The following MLLT3 variants were observed in gnomAD, a reference collection of about 807,000 sequenced individuals.
MLLT3 encodes protein AF-9.
MLLT3 carries 4 observed loss-of-function variants against 53.2 expected under a neutral mutation model. The ratio of observed to expected loss-of-function variants is 0.08; its 90% CI spans 0.04 to 0.17. The LOEUF is 0.17. Among genes scored for constraint, MLLT3 ranks in the 10% least tolerant of loss-of-function variants. The pLI is 1.00. For synonymous variants in MLLT3, 283 were observed against 230.6 expected (o/e 1.23, Z -2.06); for missense variants, 569 against 684.0 (o/e 0.83, Z 1.87).
intron 5 of MLLT3, among the ~76,000 whole-genome samples, chr9:20,375,592 T>C (rs996740735): frequency 3.5e-5 from 4 of 113,234 alleles, no homozygotes; most frequent in African/African-American, 9.6e-5. Context: ...ATTTCAGTAA[T>C]TTTTTTTTTT....
intron 2 of MLLT3, among the ~76,000 whole-genome samples, chr9:20,489,932 G>A (rs10964574): frequency 0.28 from 42,282 of 151,980 alleles, 6,775 homozygotes; most frequent in African/African-American, 0.44. Context: ...AAAAAAATAA[G>A]GAGAGAAATT....
intron 2 of MLLT3, among the ~76,000 whole-genome samples, chr9:20,595,422 T>A (rs1158349267): frequency 6.6e-6 from 1 of 152,000 alleles, no homozygotes; most frequent in African/African-American, 2.4e-5. Flanking sequence ...GTTATATTAC[T>A]TTATAATTTA....
intron 2 of MLLT3, among the ~76,000 whole-genome samples, chr9:20,483,448 G>C (rs1044248555): frequency 2.0e-5 from 3 of 151,280 alleles, no homozygotes; most frequent in Non-Finnish European, 2.9e-5. Flanking sequence ...GCCCAGGCTG[G>C]TCTTGAACTC....
chr9:20,599,442 T>C (rs1563837740), intron 2 of MLLT3, among the ~76,000 whole-genome samples: 1 of 142,610 alleles, frequency 7.0e-6, no homozygotes, highest in African/African-American at 2.6e-5. Flanking sequence ...TCTGAAACAA[T>C]TAGTAACCAG....
intron 2 of MLLT3, among the ~76,000 whole-genome samples, chr9:20,478,785 T>C (rs962856044): frequency 2.6e-5 from 4 of 152,006 alleles, no homozygotes; most frequent in Non-Finnish European, 5.9e-5. Context: ...CATAGTCTAG[T>C]TGGATTTAGA....
intron 4 of MLLT3, among the ~76,000 whole-genome samples, chr9:20,417,281 C>T (rs1186417557): frequency 6.8e-6 from 1 of 147,790 alleles, no homozygotes; most frequent in Non-Finnish European, 1.5e-5. Context: ...AGATACACAG[C>T]CAGACATTAA....
chr9:20,416,833 A>G (rs1354677376), intron 4 of MLLT3, among the ~76,000 whole-genome samples: 1 of 152,090 alleles, frequency 6.6e-6, no homozygotes. Flanking sequence ...TTAAAAAATA[A>G]AAGGAGAGAG....
chr9:20,586,778 G>A (rs1263662998), intron 2 of MLLT3, among the ~76,000 whole-genome samples: 1 of 152,064 alleles, frequency 6.6e-6, no homozygotes, highest in Non-Finnish European at 1.5e-5. Context: ...GTGGGGAAAT[G>A]GTTTCCCATT....
At chr9:20,515,578 C>T (rs1023926341) in intron 2 of MLLT3, among the ~76,000 whole-genome samples, 10 of 152,086 alleles carry the variant, frequency 6.6e-5, no homozygotes, top group African/African-American at 2.4e-4. Flanking sequence ...ATCATTAGTC[C>T]CTTTTTCTCC....
At chr9:20,614,259 T>G (rs987459020) in intron 2 of MLLT3, among the ~76,000 whole-genome samples, 1 of 152,148 alleles carries the variant, frequency 6.6e-6, no homozygotes, top group East Asian at 1.9e-4. Context: ...CCGGGCGTGG[T>G]GGCGCATGCC....
intron 2 of MLLT3, among the ~76,000 whole-genome samples, chr9:20,587,668 G>A (rs1043966572): frequency 4.6e-5 from 7 of 152,142 alleles, no homozygotes; most frequent in Non-Finnish European, 8.8e-5. Context: ...CATGTCCTTT[G>A]CCCACTTGTT....
At chr9:20,481,183 T>C (rs1824653257) in intron 2 of MLLT3, among the ~76,000 whole-genome samples, 1 of 152,198 alleles carries the variant, frequency 6.6e-6, no homozygotes, top group South Asian at 2.1e-4. Flanking sequence ...ATGAATTGTC[T>C]CAGAGCAGTG....
chr9:20,481,313 C>T (rs1316876743), intron 2 of MLLT3, among the ~76,000 whole-genome samples: 2 of 152,124 alleles, frequency 1.3e-5, no homozygotes, highest in Non-Finnish European at 2.9e-5. Flanking sequence ...TTTAATTTCC[C>T]GATCGCTGTC....
Position 20,395,680 on chromosome 9 carries a change from C to T in MLLT3, c.1125+18041G>A, listed in dbSNP as rs149125901. ...TCAGGAAAGAAATTTAGGTTAAACA[C>T]CTTTTAGCTGTCCTTTCAGTAATAA... On this transcript the variant is annotated intron_variant, in intron 5 of 10. Transcript: ENST00000380338. Among the ~76,000 whole-genome samples the T allele has an allele frequency of 1.8e-3, 268 of 152,238 alleles. 1 individual carries two copies. The highest frequency in any genetic ancestry group is 6.3e-3 in the African/African-American group (263 of 41,548).
chr9:20,416,112 T>C (rs1346470351), intron 4 of MLLT3, among the ~76,000 whole-genome samples: 4 of 152,106 alleles, frequency 2.6e-5, no homozygotes, highest in African/African-American at 9.6e-5. Flanking sequence ...ATAAATTCTA[T>C]TACATTTCCT....
At chr9:20,604,387 A>G (rs544755924) in intron 2 of MLLT3, among the ~76,000 whole-genome samples, 1 of 150,682 alleles carries the variant, frequency 6.6e-6, no homozygotes, top group Admixed American at 6.6e-5. Flanking sequence ...ACAGTTTTCT[A>G]AAAGTCTTCA....
intron 4 of MLLT3, among the ~76,000 whole-genome samples, chr9:20,428,460 T>C (rs1823189657): frequency 5.3e-5 from 8 of 152,022 alleles, no homozygotes; most frequent in Admixed American, 5.2e-4. Context: ...TATACTTCAA[T>C]AATTTTCAGG....
intron 2 of MLLT3, among the ~76,000 whole-genome samples, chr9:20,528,848 G>A (rs1325298432): frequency 6.6e-6 from 1 of 152,130 alleles, no homozygotes; most frequent in Non-Finnish European, 1.5e-5. Context: ...GGACATTTTG[G>A]GGAACCAGCA....
chr9:20,417,716 A>G (rs944353566), intron 4 of MLLT3, among the ~76,000 whole-genome samples: 4 of 152,160 alleles, frequency 2.6e-5, no homozygotes, highest in South Asian at 2.1e-4. Flanking sequence ...TCTCTCATCT[A>G]TTCAGATTGC....
Sources: gnomAD v4.1 joint callset for allele counts (sites outside exome capture counted in the v4.1 genomes callset) on GRCh38, gnomAD v4.1.1 for gene constraint, MANE v1.5 for transcripts, NCBI Gene and HGNC (gene_info 2026-07-23, HGNC 2026-07-21) for gene names.